ZNF469: variants seen among roughly 807,000 people sequenced by gnomAD.
ZNF469 encodes the protein zinc finger protein 469.
A neutral mutation model predicts 1.0 loss-of-function variants in ZNF469; 1 was observed. That is an observed-to-expected ratio of 1.00 (90% confidence interval 0.35 to 4.73). The LOEUF is 4.73. Among genes scored for constraint, ZNF469 ranks in the 30% most tolerant of loss-of-function variants. ZNF469 has a pLI of 0.16. For synonymous variants in ZNF469, 2,703 were observed against 2,363.4 expected, an observed-to-expected ratio of 1.14 and a Z score of -4.17; for missense variants, 6,100 against 5,356.3, an observed-to-expected ratio of 1.14 and a Z score of -4.33.
chr16:88,252,609 C>A, the ZNF469 span, among the ~76,000 whole-genome samples: 1 of 152,176 alleles, frequency 6.6e-6, no homozygotes, highest in African/African-American at 2.4e-5. Context: ...GCTCTCATGC[C>A]ATTCCCAGAA....
chr16:88,149,655 C>A, the ZNF469 span, among the ~76,000 whole-genome samples: 17 of 152,282 alleles, frequency 1.1e-4, no homozygotes, highest in African/African-American at 3.9e-4. Flanking sequence ...GCACCCCCAG[C>A]AGCTCCTGGA....
chr16:88,381,122 ACACACAGACATGCACTCACACACACACT>A (rs2092522819), upstream of ZNF469, among the ~76,000 whole-genome samples: 1 of 146,050 alleles, frequency 6.8e-6, no homozygotes, highest in South Asian at 2.2e-4. Flanking sequence ...GCACACACGC[ACACACAGACATGCACTCACACACACACT>A]CACACACAGA....
chr16:88,357,268 C>T, the ZNF469 span, among the ~76,000 whole-genome samples: 3 of 152,232 alleles, frequency 2.0e-5, no homozygotes, highest in Non-Finnish European at 2.9e-5. Flanking sequence ...TCAACCTGTA[C>T]AATGGGATGA....
chr16:88,292,470 A>G, the ZNF469 span, among the ~76,000 whole-genome samples: 5 of 152,180 alleles, frequency 3.3e-5, no homozygotes, highest in Non-Finnish European at 7.4e-5. Flanking sequence ...CCAGGGCCCC[A>G]GTGGGGTCCG....
At position 88,432,239 on chromosome 16, in the gene ZNF469, A is replaced by G. The variant is rs1454662510; in HGVS notation, c.4769A>G (p.Glu1590Gly). ...DTRGAPRELA[E>G]AESVGRVELG... ...CGTGGGGCCCCGAGAGAGCTTGCAG[A>G]AGCTGAGTCGGTGGGCAGGGTGGAG... Residue 1590 changes from glutamate to glycine, a missense_variant, in exon 3 of 3, where the codon GAA becomes GGA. Transcript: ENST00000565624. 6.5e-7 allele frequency: 1 copy of G among 1,549,082 alleles called. No homozygotes were observed. The highest frequency in any genetic ancestry group is 8.7e-7 in the Non-Finnish European group (1 of 1,146,990).
At chr16:88,289,657 G>A in the ZNF469 span, among the ~76,000 whole-genome samples, 3 of 152,180 alleles carry the variant, frequency 2.0e-5, no homozygotes, top group African/African-American at 7.2e-5. Flanking sequence ...TGTGAGTGGT[G>A]GAGCTGGGAT....
At chr16:88,134,984 C>T in the ZNF469 span, among the ~76,000 whole-genome samples, 4 of 152,202 alleles carry the variant, frequency 2.6e-5, no homozygotes, top group East Asian at 7.7e-4. Flanking sequence ...AAAAGAAAGT[C>T]CCCAGGCCGC....
At chr16:88,369,830 C>A in the ZNF469 span, among the ~76,000 whole-genome samples, 1 of 152,212 alleles carries the variant, frequency 6.6e-6, no homozygotes, top group Non-Finnish European at 1.5e-5. Context: ...CCAGCCCCAG[C>A]TTCCGGGGAC....
chr16:88,431,085 C>G lies in ZNF469; in HGVS notation c.3615C>G (p.Val1205=). The change falls in exon 3 of 3, where the codon GTC becomes GTG. Residue 1205 remains valine (V), a synonymous_variant. Transcript: ENST00000565624. ...TGGCCCCCAAGGATCCCCTGCAGGT[C>G]CCCACCAACACCGAGACCTCAGAGG... ...PSVAPKDPLQ[V]PTNTETSEET... is the part of the protein sequence containing the mutation. The G allele has an allele frequency of 6.5e-7, 1 of 1,550,054 alleles. No individual in the cohort carries two copies. The highest frequency in any genetic ancestry group is 1.2e-5 in the South Asian group (1 of 84,048).
rs771039755 is a variant in ZNF469, at chr16:88,432,589, C to T, written c.5119C>T (p.Leu1707Phe). The change falls in exon 3 of 3, where the codon CTT (leucine) becomes TTT (phenylalanine). Residue 1707 changes from leucine to phenylalanine, a missense_variant. By Grantham distance (22) the Leu-to-Phe change is conservative. Coordinates refer to ENST00000565624, the MANE Select transcript of ZNF469 (RefSeq NM_001367624.2). ...GAAAGCCGGAGCCTCCAAGACTGGA[C>T]TTTGCCAGGCAGAAGGAGACAGCAG... ...VQKAGASKTG[L>F]CQAEGDSRPP... 5 of 1,550,462 alleles carry T rather than the reference C, an allele frequency of 3.2e-6. No individual in the cohort carries two copies. Among genetic ancestry groups the T allele is most frequent in the South Asian group, 1.2e-5 (1 of 84,066 alleles).
chr16:88,281,893 T>C, the ZNF469 span, among the ~76,000 whole-genome samples: 3 of 152,292 alleles, frequency 2.0e-5, no homozygotes, highest in South Asian at 6.2e-4. Context: ...TGTGCCACAC[T>C]GATGCTTGGT....
chr16:88,217,564 T>C, the ZNF469 span, among the ~76,000 whole-genome samples: 1 of 139,622 alleles, frequency 7.2e-6, no homozygotes, highest in Non-Finnish European at 1.6e-5. Flanking sequence ...TAGCATTAGG[T>C]ATATCTCCCA....
Position 88,435,336 on chromosome 16 carries a change from C to T in ZNF469, c.7866C>T (p.Asp2622=). 1 of 1,550,354 alleles carries T rather than the reference C, an allele frequency of 6.5e-7. No homozygotes were observed. The highest frequency in any genetic ancestry group is 2.0e-5 in the Admixed American group (1 of 51,006). Residue 2622 remains aspartate, a synonymous_variant, in exon 3 of 3, where the codon GAC becomes GAT. Coordinates refer to ENST00000565624, the MANE Select transcript of ZNF469 (RefSeq NM_001367624.2). The part of the protein sequence containing the change: ...GRRWRREPTV[D]SPSHSEGKSN... The stretch of plus-strand genomic sequence containing the variant: ...GGTGGCGCCGAGAGCCCACCGTGGA[C>T]TCTCCTAGCCACTCAGAGGGGAAGT...
the ZNF469 span, among the ~76,000 whole-genome samples, chr16:88,304,228 G>A: frequency 6.6e-6 from 1 of 152,176 alleles, no homozygotes; most frequent in African/African-American, 2.4e-5. Flanking sequence ...TATCTGGGAG[G>A]TCACGGATGC....
At chr16:88,239,664 TTTG>T in the ZNF469 span, among the ~76,000 whole-genome samples, 1 of 77,150 alleles carries the variant, frequency 1.3e-5, no homozygotes, top group South Asian at 4.1e-4. Flanking sequence ...ATTTTTTTTT[TTTG>T]TATATATATA....
intron 1 of ZNF469, among the ~76,000 whole-genome samples, chr16:88,407,986 A>T (rs1319524413): frequency 6.6e-6 from 1 of 152,250 alleles, no homozygotes; most frequent in Non-Finnish European, 1.5e-5. Context: ...CCCCTTGCCC[A>T]GGTCATGGAA....
the ZNF469 span, among the ~76,000 whole-genome samples, chr16:88,198,971 T>C: frequency 1.3e-5 from 2 of 152,200 alleles, no homozygotes; most frequent in African/African-American, 2.4e-5. Context: ...TGCCGCCTCA[T>C]GTTCTCTGTT....
chr16:88,174,627 C>T, the ZNF469 span, among the ~76,000 whole-genome samples: 21 of 148,960 alleles, frequency 1.4e-4, no homozygotes, highest in Admixed American at 3.4e-4. Context: ...GTCCCCTCTT[C>T]TTCCTCCTCT....
At chr16:88,321,561 G>A in the ZNF469 span, among the ~76,000 whole-genome samples, 1 of 152,166 alleles carries the variant, frequency 6.6e-6, no homozygotes, top group Non-Finnish European at 1.5e-5. Flanking sequence ...CACCTTATTT[G>A]ATGTGGCCCT....
Sources: allele counts gnomAD v4.1 joint callset (sites outside exome capture counted in the v4.1 genomes callset), GRCh38; gene constraint gnomAD v4.1.1; transcripts MANE v1.5; gene names NCBI Gene and HGNC (gene_info 2026-07-23, HGNC 2026-07-21).